FLT1: variants seen among roughly 807,000 people sequenced by gnomAD.
FLT1 encodes the protein vascular endothelial growth factor receptor 1.
FLT1 carries 49 observed loss-of-function variants against 156.3 expected under a neutral mutation model. The ratio of observed to expected loss-of-function variants is 0.31; its 90% CI spans 0.25 to 0.40. The LOEUF is 0.40. Ranked by LOEUF, FLT1 falls within the 10% of genes least tolerant of loss-of-function variation. The probability of loss-of-function intolerance (pLI) is 1.00; values close to 1 mark genes in which losing one functional copy is unlikely to be tolerated. For synonymous variants in FLT1, 594 were observed against 583.8 expected (o/e 1.02, Z -0.25); for missense variants, 1,322 against 1,637.2 (o/e 0.81, Z 3.32).
At position 28,430,110 on chromosome 13, in the gene FLT1, C is replaced by T. The variant is rs868425920; in HGVS notation, c.1046G>A (p.Gly349Asp). 1 of 1,613,978 alleles carries T rather than the reference C, an allele frequency of 6.2e-7. No individual in the cohort carries two copies. Among genetic ancestry groups the T allele is most frequent in the Non-Finnish European group, 8.5e-7 (1 of 1,179,852 alleles). The change falls in exon 8 of 30, where the codon GGC (glycine) becomes GAC (aspartate). Residue 349 changes from glycine to aspartate, a missense_variant. Coordinates refer to ENST00000282397, the MANE Select transcript of FLT1 (RefSeq NM_002019.4). ...CATAGAGAGCCGGTAAGACCGCTTG[C>T]CAGCTACGGTTTCAAGCACCTGCTG... is the stretch of plus-strand genomic sequence containing the variant. ...RKQQVLETVA[G>D]KRSYRLSMKV...
intron 25 of FLT1, among the ~76,000 whole-genome samples, chr13:28,315,353 G>A (rs1365402931): frequency 6.6e-6 from 1 of 152,166 alleles, no homozygotes; most frequent in Non-Finnish European, 1.5e-5. Flanking sequence ...TCAGGAGTTC[G>A]AGACCAGCCT....
At chr13:28,457,722 T>G (rs910488355) in intron 3 of FLT1, among the ~76,000 whole-genome samples, 14 of 152,182 alleles carry the variant, frequency 9.2e-5, no homozygotes, top group African/African-American at 3.4e-4. Flanking sequence ...CTTTTCAGCT[T>G]AAGGGGATTT....
Position 28,378,574 on chromosome 13 carries a change from C to T in FLT1, c.2116+6311G>A, listed in dbSNP as rs977013929. 5.9e-5 allele frequency among the ~76,000 whole-genome samples: 9 copies of T among 152,254 alleles called. No homozygotes were observed. The East Asian group carries it at 1.7e-3, about 29-fold the overall frequency. On this transcript the variant is annotated intron_variant, in intron 14 of 29. Transcript: ENST00000282397. ...TGAACCTTGGAGGGCTACTCACTAACTCTATGACCTGGGACCAGTTATTTT... is the reference window on the plus strand; with the variant it reads ...TGAACCTTGGAGGGCTACTCACTAATTCTATGACCTGGGACCAGTTATTTT...
intron 3 of FLT1, among the ~76,000 whole-genome samples, chr13:28,441,448 C>T (rs1309538049): frequency 1.3e-5 from 2 of 152,174 alleles, no homozygotes; most frequent in Non-Finnish European, 2.9e-5. Flanking sequence ...CTCCCTCTGC[C>T]TTACACCTAC....
chr13:28,359,463 G>T (rs908356361), intron 14 of FLT1, among the ~76,000 whole-genome samples: 1 of 152,204 alleles, frequency 6.6e-6, no homozygotes, highest in African/African-American at 2.4e-5. Context: ...AAAACTCCAC[G>T]ATATTGGTCT....
chr13:28,319,966 A>G (rs900350853), intron 23 of FLT1, among the ~76,000 whole-genome samples: 2 of 152,254 alleles, frequency 1.3e-5, no homozygotes, highest in Non-Finnish European at 2.9e-5. Context: ...CAAAAAGACA[A>G]GATTTCCAAA....
chr13:28,322,510 CA>C lies in FLT1; in HGVS notation c.2954-152del. On this transcript the variant is annotated intron_variant, in intron 21 of 29. Transcript: ENST00000282397. This position sits in a 1 kb window ranked among gnomAD's most constrained non-coding sequence, Gnocchi z 4.3. ...AGTATTTGAGTTTCAACATGAACAC[CA>C]GAGATTTTTCCAGGCCTCCAGCCCA... 3 of 732,920 alleles carry C rather than the reference CA, an allele frequency of 4.1e-6. No individual in the cohort carries two copies. The highest frequency in any genetic ancestry group is 7.3e-6 in the Non-Finnish European group (3 of 412,432). 45.4% of individuals were successfully genotyped at this position (732,920 alleles called of 1,614,324 possible). A position where few individuals can be genotyped will look rare whatever the true frequency, so the allele number is the denominator to read the frequency against.
At chr13:28,326,922 T>C (rs1363131827) in intron 20 of FLT1, among the ~76,000 whole-genome samples, 1 of 152,186 alleles carries the variant, frequency 6.6e-6, no homozygotes, top group Non-Finnish European at 1.5e-5. Context: ...TCAGAGTATA[T>C]GTAGGGATGA....
intron 28 of FLT1, among the ~76,000 whole-genome samples, chr13:28,307,585 A>C (rs1200979972): frequency 6.6e-6 from 1 of 151,892 alleles, no homozygotes; most frequent in Non-Finnish European, 1.5e-5. Context: ...CTTATTTTTG[A>C]TGCTTAAAAT....
chr13:28,384,805 G>T, intron 14 of FLT1, 80 bp downstream of exon 14: 1 of 1,334,136 alleles, frequency 7.5e-7, no homozygotes, highest in Non-Finnish European at 1.1e-6. Context: ...CATACTGGAA[G>T]CAGGTGACGG....
intron 4 of FLT1, among the ~76,000 whole-genome samples, chr13:28,434,662 C>T (rs1877924358): frequency 6.6e-6 from 1 of 152,172 alleles, no homozygotes; most frequent in Non-Finnish European, 1.5e-5. Context: ...GTGGGCGGAT[C>T]ACCTGAGGTT....
rs1412202803 is a variant in FLT1 at position 28,322,583 on chromosome 13, T to C, written c.2953+207A>G. ...GGGGGATGATCCATTAAGATGAAAA[T>C]CCCTGAGGGGAGAAAACGGTACAGT... On this transcript the variant is annotated intron_variant, in intron 21 of 29. Coordinates refer to ENST00000282397, the MANE Select transcript of FLT1 (RefSeq NM_002019.4). The surrounding 1 kb of genome is among the most constrained non-coding windows in gnomAD (Gnocchi z 4.3). 1.4e-6 allele frequency: 1 copy of C among 727,426 alleles called. No individual in the cohort carries two copies. Among genetic ancestry groups the C allele is most frequent in the Non-Finnish European group, 2.4e-6 (1 of 411,174 alleles). 45.1% of individuals were successfully genotyped at this position (727,426 alleles called of 1,614,324 possible). A position where few individuals can be genotyped will look rare whatever the true frequency, so the allele number is the denominator to read the frequency against.
At chr13:28,481,187 G>A (rs1880819977) in intron 1 of FLT1, among the ~76,000 whole-genome samples, 1 of 152,194 alleles carries the variant, frequency 6.6e-6, no homozygotes, top group African/African-American at 2.4e-5. Flanking sequence ...CCAGTTAACA[G>A]TCTCCCAGCA....
At chr13:28,384,837 C>A in intron 14 of FLT1, 48 bp downstream of exon 14, 1 of 1,568,082 alleles carries the variant, frequency 6.4e-7, no homozygotes. Context: ...GAAAGGGGGG[C>A]TGATGAAAGA....
chr13:28,384,464 A>G (rs1025116948), intron 14 of FLT1, among the ~76,000 whole-genome samples: 43 of 151,830 alleles, frequency 2.8e-4, no homozygotes, highest in South Asian at 1.2e-3. Context: ...AAAAAAAAAA[A>G]AAAAGAAAGA....
At chr13:28,406,884 T>TAA (rs1370359892) in intron 10 of FLT1, among the ~76,000 whole-genome samples, 33 of 152,212 alleles carry the variant, frequency 2.2e-4, no homozygotes, top group Admixed American at 2.2e-3. Flanking sequence ...AATGAGAGGC[T>TAA]AAAGTCAGTG....
chr13:28,367,891 A>T (rs890178711), intron 14 of FLT1, among the ~76,000 whole-genome samples: 1 of 152,224 alleles, frequency 6.6e-6, no homozygotes, highest in Non-Finnish European at 1.5e-5. Context: ...TCCAATTCAG[A>T]TGACATCTCC....
chr13:28,463,872 T>C (rs1879716391), intron 3 of FLT1, among the ~76,000 whole-genome samples: 1 of 152,202 alleles, frequency 6.6e-6, no homozygotes, highest in South Asian at 2.1e-4. Flanking sequence ...TAATGGATTA[T>C]ATCACAGCTA....
At chr13:28,491,631 T>A (rs1881475029) in intron 1 of FLT1, among the ~76,000 whole-genome samples, 1 of 152,210 alleles carries the variant, frequency 6.6e-6, no homozygotes, top group East Asian at 1.9e-4. Context: ...AAGTTTAATG[T>A]GATTAGCAGG....
Sources: gnomAD v4.1 joint callset for allele counts (sites outside exome capture counted in the v4.1 genomes callset) on GRCh38, gnomAD v4.1.1 for gene constraint, Gnocchi (gnomAD v3.1) non-coding constraint, MANE v1.5 for transcripts, NCBI Gene and HGNC (gene_info 2026-07-23, HGNC 2026-07-21) for gene names.